TMEM178B: variants seen among roughly 807,000 people sequenced by gnomAD.
TMEM178B encodes the protein transmembrane protein 178B.
Under a neutral mutation model 31.0 loss-of-function variants are expected in TMEM178B, and 5 were observed. That is an observed-to-expected ratio of 0.16 (90% confidence interval 0.08 to 0.34). The LOEUF is 0.34. Among genes scored for constraint, TMEM178B ranks in the 10% least tolerant of loss-of-function variants. The pLI, the probability that TMEM178B is intolerant of heterozygous loss-of-function variation, is 1.00. For missense variants in TMEM178B, 275 were observed against 400.3 expected (o/e 0.69, Z 2.67); for synonymous variants, 164 against 164.0 (o/e 1.00, Z 0.00).
intron 3 of TMEM178B, among the ~76,000 whole-genome samples, chr7:141,444,047 G>C (rs1801709075): frequency 6.6e-6 from 1 of 152,154 alleles, no homozygotes; most frequent in African/African-American, 2.4e-5. Context: ...GGAGCACTTA[G>C]TTTTTGGCAG....
At chr7:141,092,590 T>A (rs1421625292) in intron 1 of TMEM178B, among the ~76,000 whole-genome samples, 2 of 152,218 alleles carry the variant, frequency 1.3e-5, no homozygotes, top group Non-Finnish European at 2.9e-5. Flanking sequence ...AATACTTACA[T>A]GTCATAATTT....
chr7:141,511,224 T>C, the TMEM178B span, among the ~76,000 whole-genome samples: 1 of 142,404 alleles, frequency 7.0e-6, no homozygotes. Flanking sequence ...AGTGATGCCC[T>C]TTATATTAAG....
At chr7:141,204,701 A>G (rs536572940) in intron 1 of TMEM178B, among the ~76,000 whole-genome samples, 19 of 152,326 alleles carry the variant, frequency 1.2e-4, no homozygotes, top group African/African-American at 4.3e-4. Context: ...CCATTACTCA[A>G]TTTACCTAGT....
chr7:141,125,031 G>C lies in TMEM178B; in HGVS notation c.382+50339G>C, dbSNP rs1367746161. Among the ~76,000 whole-genome samples, 8 of 152,230 alleles carry C rather than the reference G, an allele frequency of 5.3e-5. No individual in the cohort carries two copies. The East Asian group carries it at 7.7e-4, about 15-fold the overall frequency. The stretch of plus-strand genomic sequence containing the variant: ...TGTTGGAAGTTAACTAAAGATAAAA[G>C]AAATATCTGAGGCCCCCTATTGGGG... On this transcript the variant is annotated intron_variant, in intron 1 of 3. Coordinates refer to ENST00000565468, the MANE Select transcript of TMEM178B (RefSeq NM_001195278.2).
At chr7:141,209,562 G>T (rs1352103260) in intron 1 of TMEM178B, among the ~76,000 whole-genome samples, 1 of 152,188 alleles carries the variant, frequency 6.6e-6, no homozygotes. Flanking sequence ...TGTGCTAGGG[G>T]CTGGGAAGAT....
At chr7:141,358,282 A>G (rs1799856162) in intron 2 of TMEM178B, among the ~76,000 whole-genome samples, 1 of 152,136 alleles carries the variant, frequency 6.6e-6, no homozygotes. Flanking sequence ...TTGCCTTGCT[A>G]TTTAAAGATG....
chr7:141,504,934 G>A, the TMEM178B span, among the ~76,000 whole-genome samples: 1 of 152,220 alleles, frequency 6.6e-6, no homozygotes, highest in Admixed American at 6.5e-5. Flanking sequence ...CAGGGCCTAG[G>A]CCTGTATTTT....
At chr7:141,176,422 T>C (rs971663964) in intron 1 of TMEM178B, among the ~76,000 whole-genome samples, 1 of 152,204 alleles carries the variant, frequency 6.6e-6, no homozygotes, top group Non-Finnish European at 1.5e-5. Context: ...AAATTTTCTT[T>C]TTTTGTTGTG....
At chr7:141,504,173 A>G in the TMEM178B span, among the ~76,000 whole-genome samples, 28 of 152,338 alleles carry the variant, frequency 1.8e-4, no homozygotes, top group African/African-American at 6.7e-4. Context: ...AAATTACTGT[A>G]TCTGTTTAAA....
chr7:141,107,801 A>G (rs1308675853), intron 1 of TMEM178B, among the ~76,000 whole-genome samples: 2 of 152,222 alleles, frequency 1.3e-5, no homozygotes, highest in African/African-American at 4.8e-5. Context: ...TTAAAGCTAT[A>G]ATTAGATGAG....
chr7:141,136,195 A>G (rs1281753454), intron 1 of TMEM178B, among the ~76,000 whole-genome samples: 1 of 152,222 alleles, frequency 6.6e-6, no homozygotes, highest in African/African-American at 2.4e-5. Context: ...GACCAATGTA[A>G]CAGAATAGAG....
chr7:141,250,760 C>T (rs557123055), intron 2 of TMEM178B, among the ~76,000 whole-genome samples: 13 of 152,312 alleles, frequency 8.5e-5, no homozygotes, highest in Admixed American at 3.3e-4. Flanking sequence ...TTTCCTTTGC[C>T]TGTTACCTTT....
rs1302052728 is a variant in TMEM178B, at chr7:141,478,929, G to A, written c.*8143G>A. 1 of 152,192 alleles carries A rather than the reference G, an allele frequency of 6.6e-6. No homozygotes were observed. Among genetic ancestry groups the A allele is most frequent in the African/African-American group, 2.4e-5 (1 of 41,432 alleles). 9.4% of individuals were successfully genotyped at this position (152,192 alleles called of 1,614,324 possible). A position where few individuals can be genotyped will look rare whatever the true frequency, so the allele number is the denominator to read the frequency against. The stretch of plus-strand genomic sequence containing the variant: ...GAGTGAGTCTTATTATGTTGGCCTA[G>A]AGTAGAAAGCACAGAGCTATGTCGA... On this transcript the variant is annotated 3_prime_UTR_variant, in exon 4 of 4. Coordinates refer to ENST00000565468, the MANE Select transcript of TMEM178B (RefSeq NM_001195278.2).
intron 2 of TMEM178B, among the ~76,000 whole-genome samples, chr7:141,235,430 G>A (rs1405168940): frequency 6.6e-6 from 1 of 152,164 alleles, no homozygotes; most frequent in African/African-American, 2.4e-5. Context: ...AAGCCCATGT[G>A]TAGACAGAAC....
intron 1 of TMEM178B, among the ~76,000 whole-genome samples, chr7:141,193,536 T>G (rs1326279209): frequency 6.6e-6 from 1 of 152,212 alleles, no homozygotes; most frequent in Non-Finnish European, 1.5e-5. Flanking sequence ...CTCTTAGCTC[T>G]TATGTTTGGG....
At chr7:141,433,163 C>T (rs112013341) in intron 2 of TMEM178B, among the ~76,000 whole-genome samples, 25 of 152,226 alleles carry the variant, frequency 1.6e-4, no homozygotes, top group African/African-American at 4.1e-4. Flanking sequence ...CTGTGTTTTA[C>T]GACCCCCTCG....
intron 2 of TMEM178B, among the ~76,000 whole-genome samples, chr7:141,359,259 A>G (rs1192483135): frequency 2.6e-5 from 4 of 152,228 alleles, no homozygotes; most frequent in Non-Finnish European, 5.9e-5. Flanking sequence ...AGATGTGTTC[A>G]TCATTTCTGC....
intron 2 of TMEM178B, among the ~76,000 whole-genome samples, chr7:141,310,241 A>T (rs1374347784): frequency 1.3e-5 from 2 of 152,172 alleles, no homozygotes; most frequent in Non-Finnish European, 2.9e-5. Context: ...TACAAGAAAA[A>T]AACAGTCCTA....
intron 2 of TMEM178B, among the ~76,000 whole-genome samples, chr7:141,305,556 T>G (rs1027113894): frequency 2.0e-5 from 3 of 152,134 alleles, no homozygotes; most frequent in Non-Finnish European, 4.4e-5. Context: ...GCCTCCCAAG[T>G]AGCTGGGATT....
Sources: allele counts gnomAD v4.1 joint callset (sites outside exome capture counted in the v4.1 genomes callset), GRCh38; gene constraint gnomAD v4.1.1; transcripts MANE v1.5; gene names NCBI Gene and HGNC (gene_info 2026-07-23, HGNC 2026-07-21).